The following SYT16 variants were observed in gnomAD, a reference collection of about 807,000 sequenced individuals.
SYT16 encodes synaptotagmin 16, also known as synaptotagmin-16.
A neutral mutation model predicts 61.4 loss-of-function variants in SYT16; 42 were observed. The ratio of observed to expected loss-of-function variants is 0.68; its 90% CI spans 0.53 to 0.89. The LOEUF is 0.89. Among genes scored for constraint, SYT16 ranks in the 40% least tolerant of loss-of-function variants. The pLI is 0.00. For missense variants in SYT16, 804 were observed against 807.3 expected (o/e 1.00, Z 0.05); for synonymous variants, 314 against 302.3 (o/e 1.04, Z -0.40).
intron 1 of SYT16, among the ~76,000 whole-genome samples, chr14:61,842,455 C>T (rs1594741894): frequency 6.6e-6 from 1 of 152,162 alleles, no homozygotes; most frequent in Non-Finnish European, 1.5e-5. Context: ...GTTTATTTCA[C>T]ATAGCATAAT....
At chr14:61,876,321 C>A (rs530747938) in intron 1 of SYT16, among the ~76,000 whole-genome samples, 1 of 152,178 alleles carries the variant, frequency 6.6e-6, no homozygotes, top group Admixed American at 6.5e-5. Flanking sequence ...CTCGCACTCA[C>A]GCTGAAATGT....
At chr14:61,816,321 A>G (rs904671032) in intron 1 of SYT16, among the ~76,000 whole-genome samples, 19 of 152,314 alleles carry the variant, frequency 1.2e-4, no homozygotes, top group African/African-American at 4.6e-4. Context: ...GGGATCAAAT[A>G]TAAGCCCTCA....
chr14:62,046,432 T>G (rs1204224806), intron 3 of SYT16, among the ~76,000 whole-genome samples: 1 of 152,126 alleles, frequency 6.6e-6, no homozygotes, highest in Non-Finnish European at 1.5e-5. Flanking sequence ...TAGTTTCTTT[T>G]GCTGTGCAGA....
At chr14:61,836,317 G>T (rs1414507787) in intron 1 of SYT16, among the ~76,000 whole-genome samples, 1 of 152,146 alleles carries the variant, frequency 6.6e-6, no homozygotes. Flanking sequence ...TCTTGTGTCT[G>T]CATTGCAATG....
chr14:61,912,060 A>T (rs2048953602), intron 1 of SYT16, among the ~76,000 whole-genome samples: 1 of 152,208 alleles, frequency 6.6e-6, no homozygotes. Context: ...AACATCATGT[A>T]TATTTTCAAG....
intron 3 of SYT16, among the ~76,000 whole-genome samples, chr14:62,051,424 G>A (rs1055022825): frequency 2.5e-4 from 38 of 152,210 alleles, no homozygotes; most frequent in Admixed American, 1.9e-3. Flanking sequence ...CTTCCCTGGT[G>A]AGGCGATGCC....
intron 1 of SYT16, among the ~76,000 whole-genome samples, chr14:61,918,586 A>G (rs1028456425): frequency 7.9e-5 from 12 of 152,208 alleles, no homozygotes; most frequent in Non-Finnish European, 1.8e-4. Flanking sequence ...AAGATTCATA[A>G]TATATTGCCT....
rs150047081 is a variant in SYT16 at position 62,008,219 on chromosome 14, C to T, written c.523+11677C>T. ...GCTGGTACCCTCTTCCCATATCTGC[C>T]CCTGAGGAGAGCGAGTCTTGTTTCT... On this transcript the variant is annotated intron_variant, in intron 3 of 7. Coordinates refer to ENST00000683842, the MANE Select transcript of SYT16 (RefSeq NM_001367656.1). 9.1e-3 allele frequency among the ~76,000 whole-genome samples: 1,381 copies of T among 151,912 alleles called. 14 individuals carry two copies. The highest frequency in any genetic ancestry group is 0.013 in the Non-Finnish European group (885 of 67,940).
At chr14:61,901,231 T>C (rs1192163553) in intron 1 of SYT16, among the ~76,000 whole-genome samples, 4 of 152,236 alleles carry the variant, frequency 2.6e-5, no homozygotes, top group Non-Finnish European at 4.4e-5. Context: ...ACGTTTTGTT[T>C]TGGAAATGTA....
chr14:61,884,693 A>G (rs1204846086), intron 1 of SYT16, among the ~76,000 whole-genome samples: 2 of 152,212 alleles, frequency 1.3e-5, no homozygotes, highest in Admixed American at 6.5e-5. Context: ...GACAAGATTA[A>G]TAGGTGGGTT....
At chr14:61,818,275 G>A (rs1184663128) in intron 1 of SYT16, among the ~76,000 whole-genome samples, 1 of 152,134 alleles carries the variant, frequency 6.6e-6, no homozygotes, top group Non-Finnish European at 1.5e-5. Context: ...TCTGGGAGAG[G>A]CATTTTGAAG....
At chr14:62,077,654 G>A (rs1253192148) in intron 5 of SYT16, 2 of 152,266 alleles carry the variant, frequency 1.3e-5, no homozygotes, top group Non-Finnish European at 2.9e-5. Flanking sequence ...CCCAAGTGAG[G>A]AGCTCCTTCA....
At chr14:61,845,139 C>G (rs1350738910) in intron 1 of SYT16, among the ~76,000 whole-genome samples, 2 of 150,610 alleles carry the variant, frequency 1.3e-5, no homozygotes, top group Admixed American at 1.3e-4. Flanking sequence ...CCTCTACCTC[C>G]TGGGTTCAAG....
In SYT16 at chr14:62,080,830, A is replaced by G; in HGVS notation, c.994-4A>G. On this transcript the variant is annotated splice_region_variant and splice_polypyrimidine_tract_variant and intron_variant, in intron 5 of 7. Transcript: ENST00000683842. ...TTTCTAATTGTTTCCTCTGCCTGCA[A>G]CAGGAACAGGACAGGACCAATTTGC... The G allele has an allele frequency of 6.3e-7, 1 of 1,587,820 alleles. No individual in the cohort carries two copies.
chr14:62,086,928 T>C (rs74054971), intron 7 of SYT16, among the ~76,000 whole-genome samples: 7,254 of 152,232 alleles, frequency 0.048, 436 homozygotes, highest in African/African-American at 0.15. Context: ...AGACAAAAGT[T>C]TTTTGTCTCT....
At chr14:62,078,155 C>CTCTCTCTCTCTATATATATATATATA (rs766089633) in intron 5 of SYT16, among the ~76,000 whole-genome samples, 3 of 135,936 alleles carry the variant, frequency 2.2e-5, no homozygotes, top group African/African-American at 8.6e-5. Context: ...CTCTCTCTCT[C>CTCTCTCTCTCTATATATATATATATA]TATATATATA....
At chr14:61,977,510 C>T (rs1049142033) in intron 2 of SYT16, among the ~76,000 whole-genome samples, 7 of 152,132 alleles carry the variant, frequency 4.6e-5, no homozygotes, top group Non-Finnish European at 8.8e-5. Context: ...GGGGGAATAG[C>T]TCCTTATGAA....
intron 2 of SYT16, among the ~76,000 whole-genome samples, chr14:61,993,721 T>C (rs2052650515): frequency 6.6e-6 from 1 of 152,182 alleles, no homozygotes; most frequent in African/African-American, 2.4e-5. Flanking sequence ...TTACTGTTGT[T>C]ACTATGCAGG....
At chr14:61,880,136 C>A (rs2047646381) in intron 1 of SYT16, among the ~76,000 whole-genome samples, 1 of 152,258 alleles carries the variant, frequency 6.6e-6, no homozygotes, top group African/African-American at 2.4e-5. Context: ...AGTGCTGCCA[C>A]AGATATACTG....
Sources: allele counts gnomAD v4.1 joint callset (sites outside exome capture counted in the v4.1 genomes callset), GRCh38; gene constraint gnomAD v4.1.1; transcripts MANE v1.5; gene names NCBI Gene and HGNC (gene_info 2026-07-23, HGNC 2026-07-21).